ELOVL6: variants seen among roughly 807,000 people sequenced by gnomAD.
ELOVL6 encodes ELOVL fatty acid elongase 6.
A neutral mutation model predicts 31.7 loss-of-function variants in ELOVL6; 8 were observed. That is an observed-to-expected ratio of 0.25 (90% confidence interval 0.15 to 0.45). The LOEUF (loss-of-function observed/expected upper bound fraction) is 0.45, where lower values mean the gene tolerates loss of function less well. ELOVL6 is among the 20% of genes least tolerant of loss of function. The pLI, the probability that ELOVL6 is intolerant of heterozygous loss-of-function variation, is 1.00. For synonymous variants in ELOVL6, 101 were observed against 117.7 expected (o/e 0.86, Z 0.92); for missense variants, 126 against 326.4 (o/e 0.39, Z 4.73).
At position 110,150,498 on chromosome 4, in the gene ELOVL6, C is replaced by T. The variant is rs115039425; in HGVS notation, c.90-44870G>A. ...CAAAAGGGAATCTCAAACTCATTATCTGTCAATGGCTAATTTCTGAAACAG... is the reference window on the plus strand; with the variant it reads ...CAAAAGGGAATCTCAAACTCATTATTTGTCAATGGCTAATTTCTGAAACAG... On this transcript the variant is annotated intron_variant, in intron 1 of 3. Coordinates refer to ENST00000302274, the MANE Select transcript of ELOVL6 (RefSeq NM_024090.3). Among the ~76,000 whole-genome samples, 1,042 of 152,238 alleles carry T rather than the reference C, an allele frequency of 6.8e-3. 13 individuals are homozygous for T. The highest frequency in any genetic ancestry group is 0.024 in the African/African-American group (994 of 41,540).
chr4:110,084,129 G>GCTATATA (rs1560814134), intron 2 of ELOVL6, among the ~76,000 whole-genome samples: 729 of 40,300 alleles, frequency 0.018, 48 homozygotes, highest in South Asian at 0.054. Context: ...TAACATATAT[G>GCTATATA]TGATAATGAT....
intron 2 of ELOVL6, among the ~76,000 whole-genome samples, chr4:110,064,091 A>G (rs1033455518): frequency 1.3e-5 from 2 of 150,172 alleles, no homozygotes; most frequent in South Asian, 2.1e-4. Context: ...AAAAAAAAAA[A>G]AAAGAAAGAA....
intron 2 of ELOVL6, chr4:110,093,082 G>A: frequency 2.2e-6 from 1 of 448,056 alleles, no homozygotes; most frequent in South Asian, 1.6e-5. Context: ...TCCCATTTTG[G>A]TAAAACGATT....
intron 1 of ELOVL6, among the ~76,000 whole-genome samples, chr4:110,141,737 T>C (rs1757964274): frequency 7.0e-6 from 1 of 142,122 alleles, no homozygotes; most frequent in Admixed American, 7.2e-5. Flanking sequence ...TGTATTGTAT[T>C]GTATTTATAT....
chr4:110,160,209 C>G (rs1457274071), intron 1 of ELOVL6, among the ~76,000 whole-genome samples: 1 of 152,122 alleles, frequency 6.6e-6, no homozygotes, highest in Non-Finnish European at 1.5e-5. Context: ...ACCCTGTCTC[C>G]CTTGACAAAG....
At chr4:110,102,658 T>A (rs1350616948) in intron 2 of ELOVL6, among the ~76,000 whole-genome samples, 13 of 149,290 alleles carry the variant, frequency 8.7e-5, no homozygotes, top group African/African-American at 3.2e-4. Context: ...AAATCTTGTC[T>A]CCAAAAAAAA....
chr4:110,179,092 T>C (rs1034333129), intron 1 of ELOVL6, among the ~76,000 whole-genome samples: 1 of 152,086 alleles, frequency 6.6e-6, no homozygotes, highest in African/African-American at 2.4e-5. Context: ...TTCTCTACGT[T>C]AGGTAAAATC....
At chr4:110,191,424 T>C (rs920755333) in intron 1 of ELOVL6, among the ~76,000 whole-genome samples, 6 of 151,968 alleles carry the variant, frequency 3.9e-5, no homozygotes, top group Admixed American at 3.9e-4. Flanking sequence ...GAGAAGTAAA[T>C]GGGAGCGGGT....
At chr4:110,191,159 A>C (rs1021818033) in intron 1 of ELOVL6, among the ~76,000 whole-genome samples, 17 of 152,208 alleles carry the variant, frequency 1.1e-4, no homozygotes, top group African/African-American at 4.1e-4. Flanking sequence ...TATCTCTAAA[A>C]TAAATTATTG....
chr4:110,084,243 GAT>G lies in ELOVL6; in HGVS notation c.221+21252_221+21253del, dbSNP rs1208648160. On this transcript the variant is annotated intron_variant, in intron 2 of 3. Transcript: ENST00000302274. The stretch of plus-strand genomic sequence containing the variant: ...CTTATATGATATATATAACATATAT[GAT>G]ATATATAACATATAGCTTATATGTG... Among the ~76,000 whole-genome samples, 79 of 98,902 alleles carry G rather than the reference GAT, an allele frequency of 8.0e-4. 6 individuals are homozygous for G. Among genetic ancestry groups the G allele is most frequent in the Middle Eastern group, 0.02 (2 of 98 alleles). 64.9% of individuals were successfully genotyped at this position (98,902 alleles called of 152,430 possible).
chr4:110,159,645 C>G (rs1022506712), intron 1 of ELOVL6, among the ~76,000 whole-genome samples: 4 of 152,074 alleles, frequency 2.6e-5, no homozygotes, highest in Non-Finnish European at 5.9e-5. Flanking sequence ...GTGTTTTTCA[C>G]TTTACAATGA....
chr4:110,127,421 A>AAAG (rs940480014), intron 1 of ELOVL6, among the ~76,000 whole-genome samples: 11 of 147,144 alleles, frequency 7.5e-5, no homozygotes, highest in South Asian at 2.1e-4. Context: ...AAAAAAAAAA[A>AAAG]AAAAGAAAAG....
intron 1 of ELOVL6, among the ~76,000 whole-genome samples, chr4:110,173,164 A>G (rs773078646): frequency 1.1e-4 from 17 of 152,202 alleles, no homozygotes; most frequent in Non-Finnish European, 2.5e-4. Flanking sequence ...TTCTCCGCCC[A>G]GACAGAACAA....
At chr4:110,105,358 C>T in intron 2 of ELOVL6, 139 bp downstream of exon 2, 1 of 902,878 alleles carries the variant, frequency 1.1e-6, no homozygotes, top group East Asian at 2.8e-5. Context: ...GGCTTTCTTT[C>T]TGAACATGAC....
At chr4:110,162,650 A>T (rs1758663514) in intron 1 of ELOVL6, among the ~76,000 whole-genome samples, 1 of 151,692 alleles carries the variant, frequency 6.6e-6, no homozygotes, top group African/African-American at 2.4e-5. Flanking sequence ...AGGCCTGAAT[A>T]TATAGATATT....
At chr4:110,057,049 T>C (rs1755006612) in intron 3 of ELOVL6, among the ~76,000 whole-genome samples, 1 of 152,222 alleles carries the variant, frequency 6.6e-6, no homozygotes, top group Admixed American at 6.5e-5. Context: ...GGTCTGATTA[T>C]GTCTTTAAAG....
At chr4:110,166,607 C>T (rs1194732145) in intron 1 of ELOVL6, among the ~76,000 whole-genome samples, 1 of 152,026 alleles carries the variant, frequency 6.6e-6, no homozygotes, top group Admixed American at 6.6e-5. Flanking sequence ...GAAACTCCGT[C>T]TCAAAAAAAA....
chr4:110,140,307 T>C lies in ELOVL6; in HGVS notation c.90-34679A>G, dbSNP rs112475006. ...TGATTGGTGCTTCCTGCTGCTTACTTCCTAAACTTTGTGCTCAGTGTCAGA... is the reference window on the plus strand; with the variant it reads ...TGATTGGTGCTTCCTGCTGCTTACTCCCTAAACTTTGTGCTCAGTGTCAGA... On this transcript the variant is annotated intron_variant, in intron 1 of 3. Coordinates refer to ENST00000302274, the MANE Select transcript of ELOVL6 (RefSeq NM_024090.3). Among the ~76,000 whole-genome samples, 1,401 of 152,344 alleles carry C rather than the reference T, an allele frequency of 9.2e-3. 24 individuals are homozygous for C. Among genetic ancestry groups the C allele is most frequent in the African/African-American group, 0.031 (1,293 of 41,582 alleles).
chr4:110,174,780 T>A (rs994597861), intron 1 of ELOVL6, among the ~76,000 whole-genome samples: 1 of 152,140 alleles, frequency 6.6e-6, no homozygotes, highest in East Asian at 1.9e-4. Flanking sequence ...TTTACCTACA[T>A]TTTTACTTTT....
Sources: allele counts gnomAD v4.1 joint callset (sites outside exome capture counted in the v4.1 genomes callset), GRCh38; gene constraint gnomAD v4.1.1; transcripts MANE v1.5; gene names NCBI Gene and HGNC (gene_info 2026-07-23, HGNC 2026-07-21).